The following TCAF1 variants were observed in gnomAD, a reference collection of about 807,000 sequenced individuals.
TCAF1 encodes the protein TRPM8 channel associated factor 1.
A neutral mutation model predicts 27.3 loss-of-function variants in TCAF1; 4 were observed. The observed-to-expected ratio is 0.15, with a 90% CI of 0.07 to 0.34. TCAF1 has a LOEUF of 0.34. Ranked by LOEUF, TCAF1 falls within the 10% of genes least tolerant of loss-of-function variation. The pLI, the probability that TCAF1 is intolerant of heterozygous loss-of-function variation, is 1.00. For synonymous variants in TCAF1, 105 were observed against 167.1 expected (o/e 0.63, Z 2.87); for missense variants, 257 against 425.8 (o/e 0.60, Z 3.49).
chr7:143,884,581 G>A (rs988185692), intron 1 of TCAF1, among the ~76,000 whole-genome samples: 1 of 151,998 alleles, frequency 6.6e-6, no homozygotes, highest in Non-Finnish European at 1.5e-5. Context: ...ACTGAATCTC[G>A]TGCAAAAATT....
rs150631280 is a variant in TCAF1 at position 143,884,344 on chromosome 7, G to A, written c.-14-7722C>T. ...AAGGCCATGTAGATAGGTGAGCTCC[G>A]CGGCAGGTTTTATGTAAAGGAAATG... On this transcript the variant is annotated intron_variant, in intron 1 of 8. Coordinates refer to ENST00000479870, the MANE Select transcript of TCAF1 (RefSeq NM_014719.3). Among the ~76,000 whole-genome samples, 30 of 152,186 alleles carry A rather than the reference G, an allele frequency of 2.0e-4. No homozygotes were observed. The East Asian group carries it at 5.8e-3, about 29-fold the overall frequency.
At chr7:143,870,157 A>AT (rs1277367297) in intron 2 of TCAF1, among the ~76,000 whole-genome samples, 5 of 114,022 alleles carry the variant, frequency 4.4e-5, no homozygotes, top group African/African-American at 9.7e-5. Context: ...ACTTTTAATG[A>AT]TTTTTTTTCA....
intron 1 of TCAF1, among the ~76,000 whole-genome samples, chr7:143,878,601 C>A (rs191637684): frequency 1.3e-5 from 2 of 152,270 alleles, no homozygotes; most frequent in South Asian, 4.2e-4. Flanking sequence ...ATAAGCTCAA[C>A]GTTTCTAGTA....
At chr7:143,885,982 T>C (rs955113840) in intron 1 of TCAF1, among the ~76,000 whole-genome samples, 3 of 152,250 alleles carry the variant, frequency 2.0e-5, no homozygotes, top group African/African-American at 4.8e-5. Context: ...CAGCGGCTTC[T>C]CTACAAATAT....
chr7:143,896,833 G>T lies in TCAF1; in HGVS notation c.-15+5128C>A, dbSNP rs553454927. On this transcript the variant is annotated intron_variant, in intron 1 of 8. Transcript: ENST00000479870. ...TGTATAGCTTTAAAAGCTTACATAG[G>T]AAGAAAAGCTCAAAATTAATGAGCT... Among the ~76,000 whole-genome samples, 112 of 151,602 alleles carry T rather than the reference G, an allele frequency of 7.4e-4. 1 individual carries two copies. Among genetic ancestry groups the T allele is most frequent in the South Asian group, 5.4e-3 (26 of 4,796 alleles).
intron 1 of TCAF1, among the ~76,000 whole-genome samples, chr7:143,898,330 G>A (rs774218821): frequency 2.6e-4 from 39 of 152,016 alleles, no homozygotes; most frequent in Non-Finnish European, 3.4e-4. Flanking sequence ...CAGTGTACTG[G>A]AGCTCCTAGT....
chr7:143,892,641 T>C (rs1209243242), intron 1 of TCAF1, among the ~76,000 whole-genome samples: 1 of 151,380 alleles, frequency 6.6e-6, no homozygotes, highest in Non-Finnish European at 1.5e-5. Flanking sequence ...TTAAACCCAA[T>C]ATTTATAGAT....
At chr7:143,900,445 T>C (rs1814066145) in intron 1 of TCAF1, among the ~76,000 whole-genome samples, 1 of 152,096 alleles carries the variant, frequency 6.6e-6, no homozygotes, top group Non-Finnish European at 1.5e-5. Flanking sequence ...GGCAAAGAAC[T>C]GATGTGTACA....
At chr7:143,884,993 C>T in intron 1 of TCAF1, 2 of 985,414 alleles carry the variant, frequency 2.0e-6, no homozygotes, top group Non-Finnish European at 1.2e-6. Context: ...AGACATCTAC[C>T]TCCCTGGACC....
rs12673283 is a variant in TCAF1, at chr7:143,860,003, T to A, written c.2167+205A>T. On this transcript the variant is annotated intron_variant, in intron 6 of 8. Transcript: ENST00000479870. ...ATATTATATAATATATATTATATAA[T>A]ATATATATAATATATATTATATATT... Among the ~76,000 whole-genome samples, 18 of 6,862 alleles carry A rather than the reference T, an allele frequency of 2.6e-3. No homozygotes were observed. The South Asian group carries it at 0.037, about 14-fold the overall frequency. The allele number at this position is 6,862 out of a possible 152,430, so 4.5% of individuals were successfully genotyped here.
chr7:143,876,765 G>GT, intron 1 of TCAF1, 143 bp from the exon 2 acceptor site: 1 of 563,264 alleles, frequency 1.8e-6, no homozygotes, highest in Middle Eastern at 5.2e-4. Flanking sequence ...TAAGCACTCG[G>GT]TGTTAGTGTC....
chr7:143,876,570 A>G lies in TCAF1; in HGVS notation c.39T>C (p.Asn13=), dbSNP rs1812730321. The change falls in exon 2 of 9, where the codon AAT becomes AAC. Residue 13 remains asparagine, a synonymous_variant. Coordinates refer to ENST00000479870, the MANE Select transcript of TCAF1 (RefSeq NM_014719.3). ...TPSAAFEALM[N]GVTSWDVPED... ...CGGGTACATCCCAGCTTGTCACACC[A>G]TTCATAAGGGCCTCGAAGGCAGCAG... The G allele has an allele frequency of 6.6e-7, 1 of 1,524,634 alleles. No homozygotes were observed. The highest frequency in any genetic ancestry group is 2.2e-5 in the Admixed American group (1 of 45,770). 94.4% of individuals were successfully genotyped at this position (1,524,634 alleles called of 1,614,324 possible).
chr7:143,860,038 A>G (rs1452920351), intron 6 of TCAF1, among the ~76,000 whole-genome samples, 170 bp downstream of exon 6: 1 of 68,110 alleles, frequency 1.5e-5, no homozygotes, highest in Non-Finnish European at 2.7e-5. Context: ...TATATATATA[A>G]TATATAATAT....
rs1411179889 is a variant in TCAF1, at chr7:143,851,402, T to A, written c.*2731A>T. The A allele has an allele frequency of 6.6e-6, 1 of 152,292 alleles. No individual in the cohort carries two copies. The highest frequency in any genetic ancestry group is 2.4e-5 in the African/African-American group (1 of 41,460). The allele number at this position is 152,292 out of a possible 1,614,324, so 9.4% of individuals were successfully genotyped here. On this transcript the variant is annotated 3_prime_UTR_variant, in exon 9 of 9. Coordinates refer to ENST00000479870, the MANE Select transcript of TCAF1 (RefSeq NM_014719.3). ...GATTTTTATTTGGGTTTATTAAAAA[T>A]TTTTTCAAAGTAATACATGCACAAG... is the stretch of plus-strand genomic sequence containing the variant.
chr7:143,867,174 TA>T (rs1214005881), intron 2 of TCAF1, among the ~76,000 whole-genome samples: 56 of 68,178 alleles, frequency 8.2e-4, no homozygotes, highest in Admixed American at 9.5e-4. Flanking sequence ...TATTTTGGCT[TA>T]AAAAAAAAAA....
At chr7:143,883,506 T>TC (rs1248086415) in intron 1 of TCAF1, among the ~76,000 whole-genome samples, 1 of 103,192 alleles carries the variant, frequency 9.7e-6, no homozygotes, top group Non-Finnish European at 2.0e-5. Context: ...TTTTCTTTTT[T>TC]TTTTTTTTTT....
intron 1 of TCAF1, among the ~76,000 whole-genome samples, chr7:143,899,066 T>G (rs977729864): frequency 5.9e-5 from 9 of 152,210 alleles, no homozygotes; most frequent in Non-Finnish European, 1.5e-5. Context: ...GATAAATTTT[T>G]GTTCCTTATA....
intron 1 of TCAF1, among the ~76,000 whole-genome samples, chr7:143,877,970 T>G (rs1586771328): frequency 6.6e-6 from 1 of 152,236 alleles, no homozygotes; most frequent in South Asian, 2.1e-4. Flanking sequence ...ATACGCAACC[T>G]GATTATAAAC....
chr7:143,860,020 T>TTATATATATAATATATAATATATAA (rs1563212164), intron 6 of TCAF1, among the ~76,000 whole-genome samples, 188 bp downstream of exon 6: 1 of 13,764 alleles, frequency 7.3e-5, no homozygotes, highest in Non-Finnish European at 1.9e-4. Flanking sequence ...ATAATATATA[T>TTATATATATAATATATAATATATAA]TATATATTAT....
Sources: allele counts gnomAD v4.1 joint callset (sites outside exome capture counted in the v4.1 genomes callset), GRCh38; gene constraint gnomAD v4.1.1; transcripts MANE v1.5; gene names NCBI Gene and HGNC (gene_info 2026-07-23, HGNC 2026-07-21).